The following TRPC7 variants were observed in gnomAD, a reference collection of about 807,000 sequenced individuals.
The protein encoded by TRPC7 is short transient receptor potential channel 7.
A neutral mutation model predicts 90.1 loss-of-function variants in TRPC7; 42 were observed. The ratio of observed to expected loss-of-function variants is 0.47; its 90% confidence interval spans 0.36 to 0.60. The LOEUF (loss-of-function observed/expected upper bound fraction) is 0.60, where lower values mean the gene tolerates loss of function less well. TRPC7 is among the 20% of genes least tolerant of loss of function. TRPC7 has a pLI of 0.00. For synonymous variants in TRPC7, 451 were observed against 436.3 expected (o/e 1.03, Z -0.42); for missense variants, 955 against 1,112.3 (o/e 0.86, Z 2.01).
intron 3 of TRPC7, among the ~76,000 whole-genome samples, chr5:136,312,410 G>C (rs1436180427): frequency 6.6e-6 from 1 of 152,132 alleles, no homozygotes; most frequent in Non-Finnish European, 1.5e-5. Flanking sequence ...CAGCAATGAT[G>C]CTTCCTTTTG....
intron 2 of TRPC7, among the ~76,000 whole-genome samples, chr5:136,352,911 T>C (rs1249036966): frequency 6.6e-6 from 1 of 152,208 alleles, no homozygotes; most frequent in Non-Finnish European, 1.5e-5. Context: ...AACGCCGCTA[T>C]TAAATCCACC....
At chr5:136,260,180 A>G (rs753737664) in intron 5 of TRPC7, among the ~76,000 whole-genome samples, 5 of 152,230 alleles carry the variant, frequency 3.3e-5, no homozygotes, top group Non-Finnish European at 7.3e-5. Flanking sequence ...CCAGATGGCC[A>G]TGTGGAGAGA....
chr5:136,354,205 A>G (rs1210656793), intron 2 of TRPC7, among the ~76,000 whole-genome samples: 2 of 152,172 alleles, frequency 1.3e-5, no homozygotes, highest in Non-Finnish European at 2.9e-5. Flanking sequence ...AGTTCAACCA[A>G]TTCTCCTCAG....
chr5:136,313,008 G>A (rs1376959667), intron 3 of TRPC7, among the ~76,000 whole-genome samples: 2 of 138,572 alleles, frequency 1.4e-5, no homozygotes, highest in African/African-American at 5.5e-5. Context: ...ATAGAGACAG[G>A]GTCTTGCTAT....
intron 8 of TRPC7, among the ~76,000 whole-genome samples, chr5:136,229,194 G>A (rs1755738069): frequency 6.6e-6 from 1 of 152,202 alleles, no homozygotes; most frequent in African/African-American, 2.4e-5. Flanking sequence ...AAAAATATAT[G>A]TGTTGTTTGT....
intron 3 of TRPC7, among the ~76,000 whole-genome samples, chr5:136,303,075 A>G (rs1758460946): frequency 1.3e-5 from 2 of 152,246 alleles, no homozygotes; most frequent in South Asian, 4.2e-4. Flanking sequence ...TTACAGTTTC[A>G]TTCCGTGACT....
At chr5:136,223,465 T>C (rs1755525144) in intron 10 of TRPC7, among the ~76,000 whole-genome samples, 2 of 151,396 alleles carry the variant, frequency 1.3e-5, no homozygotes, top group African/African-American at 4.9e-5. Flanking sequence ...AATACAAAAT[T>C]AGCCAGGCAT....
chr5:136,236,853 C>G (rs1282391512), intron 7 of TRPC7, among the ~76,000 whole-genome samples: 1 of 152,190 alleles, frequency 6.6e-6, no homozygotes, highest in Non-Finnish European at 1.5e-5. Flanking sequence ...GCCCCTACCA[C>G]TGAATAGTTC....
chr5:136,221,091 A>ATG lies in TRPC7; in HGVS notation c.2343+4181_2343+4182dup, dbSNP rs925069517. The stretch of plus-strand genomic sequence containing the variant: ...TCCCTTCTTTCACTATGTGGGGGAA[A>ATG]TGTGTGTGTGTGTGTATGTGTCTGT... On this transcript the variant is annotated intron_variant, in intron 10 of 11. Transcript: ENST00000513104. Among the ~76,000 whole-genome samples, 488 of 143,936 alleles carry ATG rather than the reference A, an allele frequency of 3.4e-3. 5 individuals carry two copies. The highest frequency in any genetic ancestry group is 0.012 in the African/African-American group (460 of 38,768). 94.4% of individuals were successfully genotyped at this position (143,936 alleles called of 152,430 possible). A position where few individuals can be genotyped will look rare whatever the true frequency, so the allele number is the denominator to read the frequency against.
intron 2 of TRPC7, among the ~76,000 whole-genome samples, chr5:136,344,508 T>C (rs1464646936): frequency 2.0e-5 from 3 of 152,224 alleles, no homozygotes; most frequent in Admixed American, 6.5e-5. Context: ...GAAACCTACA[T>C]GTCTAGACAG....
At chr5:136,292,365 T>G (rs1041624302) in intron 3 of TRPC7, among the ~76,000 whole-genome samples, 22 of 152,080 alleles carry the variant, frequency 1.4e-4, no homozygotes, top group Non-Finnish European at 2.8e-4. Context: ...GCTGGTTTTT[T>G]GAAAAGATCA....
At chr5:136,276,528 T>C in intron 3 of TRPC7, among the ~76,000 whole-genome samples, 1 of 152,246 alleles carries the variant, frequency 6.6e-6, no homozygotes, top group African/African-American at 2.4e-5. Context: ...TTCCCATTTC[T>C]GTGAACTCAC....
chr5:136,318,365 G>A (rs551252760), intron 2 of TRPC7, among the ~76,000 whole-genome samples: 4 of 152,240 alleles, frequency 2.6e-5, no homozygotes, highest in African/African-American at 9.6e-5. Context: ...ATCTCATTCA[G>A]TCCTTATAAA....
chr5:136,241,987 G>C (rs1756184982), intron 7 of TRPC7, among the ~76,000 whole-genome samples: 1 of 152,184 alleles, frequency 6.6e-6, no homozygotes, highest in African/African-American at 2.4e-5. Flanking sequence ...TAAACAGAAA[G>C]TCTTCACTTT....
chr5:136,224,383 C>A (rs541173766), intron 10 of TRPC7, among the ~76,000 whole-genome samples: 12 of 152,252 alleles, frequency 7.9e-5, no homozygotes, highest in African/African-American at 2.9e-4. Flanking sequence ...AGTTCTTTTT[C>A]TAATTTTTCT....
chr5:136,332,181 C>T (rs1296851756), intron 2 of TRPC7, among the ~76,000 whole-genome samples: 1 of 113,040 alleles, frequency 8.8e-6, no homozygotes, highest in Non-Finnish European at 2.1e-5. Context: ...ACAGAGGGTC[C>T]CCGTGCTAAG....
intron 8 of TRPC7, among the ~76,000 whole-genome samples, chr5:136,229,636 C>T (rs1240276427): frequency 6.6e-6 from 1 of 152,130 alleles, no homozygotes; most frequent in Non-Finnish European, 1.5e-5. Context: ...AAGGAGCCAA[C>T]CCTGCTGATG....
rs1355048914 is a variant in TRPC7 at position 136,231,362 on chromosome 5, C to T, written c.2032G>A (p.Glu678Lys). 5 of 1,591,528 alleles carry T rather than the reference C, an allele frequency of 3.1e-6. No individual in the cohort carries two copies. The South Asian group carries it at 5.6e-5, about 18-fold the overall frequency. Residue 678 changes from glutamate (E) to lysine (K), a missense_variant, in exon 8 of 12, where the codon GAA becomes AAA. Around this residue, in one of 4 missense-constraint regions of TRPC7, gnomAD observed 296 missense variants for 422.7 expected, o/e 0.70. Coordinates refer to ENST00000513104, the MANE Select transcript of TRPC7 (RefSeq NM_020389.3). ...LIAMINNSYQ[E>K]IEEDADVEWK... is the part of the protein sequence containing the mutation. ...CAGTGACCTGGCCTTACCTCAATTT[C>T]CTGATAGGAGTTGTTTATCATGGCT... is the stretch of plus-strand genomic sequence containing the variant.
intron 10 of TRPC7, among the ~76,000 whole-genome samples, chr5:136,223,691 G>A (rs1755536974): frequency 6.6e-6 from 1 of 152,040 alleles, no homozygotes; most frequent in South Asian, 2.1e-4. Context: ...GATTCATTCT[G>A]GAATGGGACA....
Sources: allele counts gnomAD v4.1 joint callset (sites outside exome capture counted in the v4.1 genomes callset), GRCh38; gene constraint gnomAD v4.1.1; regional missense constraint gnomAD v4.1.1; transcripts MANE v1.5; gene names NCBI Gene and HGNC (gene_info 2026-07-23, HGNC 2026-07-21).